Variants in CNOT2 observed in about 807,000 individuals in gnomAD.
CNOT2 encodes CC chemokine receptor 4-negative regulator of transcription 2.
CNOT2 carries 7 observed loss-of-function variants against 72.1 expected under a neutral mutation model. The ratio of observed to expected loss-of-function variants is 0.10; its 90% CI spans 0.06 to 0.18. The LOEUF is 0.18. CNOT2 is among the 10% of genes least tolerant of loss of function. The pLI, the probability that CNOT2 is intolerant of heterozygous loss-of-function variation, is 1.00. For synonymous variants in CNOT2, 196 were observed against 225.6 expected (o/e 0.87, Z 1.17); for missense variants, 345 against 660.3 (o/e 0.52, Z 5.23).
intron 1 of CNOT2, among the ~76,000 whole-genome samples, chr12:70,271,002 A>G (rs1959202594): frequency 6.6e-6 from 1 of 152,186 alleles, no homozygotes; most frequent in Non-Finnish European, 1.5e-5. Context: ...AATTGACTAA[A>G]CAGTATGGAA....
chr12:70,330,273 G>T lies in CNOT2; in HGVS notation c.387-14G>T. On this transcript the variant is annotated splice_polypyrimidine_tract_variant and intron_variant, in intron 5 of 15. Transcript: ENST00000229195. The stretch of plus-strand genomic sequence containing the variant: ...TGTAGAGAGCTTATTTAGTATAATG[G>T]ACTTCTTTTTCAGGGGTATTTTGCC... The T allele has an allele frequency of 7.0e-7, 1 of 1,435,432 alleles. No individual in the cohort carries two copies. Among genetic ancestry groups the T allele is most frequent in the South Asian group, 1.2e-5 (1 of 84,130 alleles). The allele number at this position is 1,435,432 out of a possible 1,614,324, so 88.9% of individuals were successfully genotyped here.
chr12:70,341,941 C>A (rs1593278397), intron 11 of CNOT2, 166 bp from the exon 12 acceptor site: 2 of 630,032 alleles, frequency 3.2e-6, no homozygotes, highest in East Asian at 5.4e-5. Flanking sequence ...GACACACACA[C>A]AAACACACAC....
chr12:70,284,291 C>T (rs1048778099), intron 2 of CNOT2, among the ~76,000 whole-genome samples: 2 of 151,496 alleles, frequency 1.3e-5, no homozygotes, highest in Admixed American at 6.6e-5. Flanking sequence ...GTCACCCAGG[C>T]TGGAGTGCAG....
chr12:70,247,279 C>T (rs1957924799), intron 1 of CNOT2, among the ~76,000 whole-genome samples: 1 of 151,990 alleles, frequency 6.6e-6, no homozygotes, highest in East Asian at 1.9e-4. Context: ...GTTCTCCTGC[C>T]TCAGCCTCCT....
intron 4 of CNOT2, among the ~76,000 whole-genome samples, chr12:70,325,798 A>G (rs1316558475): frequency 6.6e-6 from 1 of 151,800 alleles, no homozygotes; most frequent in Non-Finnish European, 1.5e-5. Context: ...GGAAAAGGGG[A>G]CACTTTAAGG....
At chr12:70,353,008 T>A (rs1262767280) in intron 15 of CNOT2, among the ~76,000 whole-genome samples, 1 of 152,218 alleles carries the variant, frequency 6.6e-6, no homozygotes, top group East Asian at 1.9e-4. Flanking sequence ...AGTCTAGTGA[T>A]GTGTGAGTTT....
chr12:70,270,176 C>T (rs940948075), intron 1 of CNOT2, among the ~76,000 whole-genome samples: 1 of 152,068 alleles, frequency 6.6e-6, no homozygotes, highest in Non-Finnish European at 1.5e-5. Flanking sequence ...GTTTCAAAAT[C>T]TCTGGTAAAT....
At chr12:70,254,506 T>C (rs1416398357) in intron 1 of CNOT2, among the ~76,000 whole-genome samples, 1 of 152,170 alleles carries the variant, frequency 6.6e-6, no homozygotes, top group East Asian at 1.9e-4. Flanking sequence ...GAATTTTCCA[T>C]GTAATATTTT....
intron 1 of CNOT2, among the ~76,000 whole-genome samples, chr12:70,262,190 T>C (rs1194868319): frequency 6.6e-6 from 1 of 152,198 alleles, no homozygotes; most frequent in African/African-American, 2.4e-5. Context: ...TTTTTTATTC[T>C]CTAGTTCACT....
chr12:70,337,663 A>G (rs1294045258), intron 9 of CNOT2, 150 bp downstream of exon 9: 5 of 859,478 alleles, frequency 5.8e-6, no homozygotes, highest in Admixed American at 2.2e-5. Context: ...GAAAAGCTTT[A>G]TAACTTAGAA....
chr12:70,295,572 T>G (rs1201227660), intron 2 of CNOT2, among the ~76,000 whole-genome samples: 13 of 152,326 alleles, frequency 8.5e-5, no homozygotes, highest in Non-Finnish European at 1.9e-4. Context: ...TTATTCTAAA[T>G]GTAGAGATTT....
At chr12:70,319,418 A>C (rs1877915044) in intron 4 of CNOT2, 54 bp downstream of exon 4, 1 of 1,519,646 alleles carries the variant, frequency 6.6e-7, no homozygotes, top group Non-Finnish European at 9.1e-7. Flanking sequence ...AAAATAAGTA[A>C]CTACCAAATA....
intron 1 of CNOT2, 175 bp downstream of exon 1, chr12:70,243,655 G>C (rs1957686848): frequency 6.7e-6 from 1 of 149,736 alleles, no homozygotes; most frequent in Non-Finnish European, 1.5e-5. Flanking sequence ...CTCCAATCGA[G>C]AGACGGAGAG....
intron 1 of CNOT2, among the ~76,000 whole-genome samples, chr12:70,253,894 A>T (rs1299268169): frequency 6.6e-6 from 1 of 152,166 alleles, no homozygotes; most frequent in Non-Finnish European, 1.5e-5. Flanking sequence ...CATACCTATG[A>T]TAAAGTTTAA....
At chr12:70,266,583 A>T (rs1325150281) in intron 1 of CNOT2, among the ~76,000 whole-genome samples, 1 of 152,162 alleles carries the variant, frequency 6.6e-6, no homozygotes, top group African/African-American at 2.4e-5. Flanking sequence ...TTCTCCTTTC[A>T]GGCTTATTAG....
chr12:70,327,338 G>A (rs1304803438), intron 4 of CNOT2, among the ~76,000 whole-genome samples: 1 of 151,820 alleles, frequency 6.6e-6, no homozygotes, highest in East Asian at 1.9e-4. Context: ...ATTCAAAAGG[G>A]AAAAAGAAAG....
At chr12:70,251,088 A>G (rs1261386622) in intron 1 of CNOT2, among the ~76,000 whole-genome samples, 1 of 152,232 alleles carries the variant, frequency 6.6e-6, no homozygotes, top group Non-Finnish European at 1.5e-5. Context: ...GTGTTTATGT[A>G]GAATAATAAA....
intron 1 of CNOT2, among the ~76,000 whole-genome samples, chr12:70,268,627 A>AT (rs11346962): frequency 5.9e-4 from 86 of 146,292 alleles, no homozygotes; most frequent in Middle Eastern, 3.5e-3. Context: ...TTTAAAAAAA[A>AT]TTTTTTTTTT....
At chr12:70,333,904 T>C (rs537206903) in intron 7 of CNOT2, among the ~76,000 whole-genome samples, 1 of 152,136 alleles carries the variant, frequency 6.6e-6, no homozygotes, top group East Asian at 1.9e-4. Context: ...TTGTAGTTTT[T>C]TTCTAAATGT....
Sources: gnomAD v4.1 joint callset for allele counts (sites outside exome capture counted in the v4.1 genomes callset) on GRCh38, gnomAD v4.1.1 for gene constraint, MANE v1.5 for transcripts, NCBI Gene and HGNC (gene_info 2026-07-23, HGNC 2026-07-21) for gene names.